The following BRWD1 variants were observed in gnomAD, a reference collection of about 807,000 sequenced individuals.
The protein encoded by BRWD1 is bromodomain and WD repeat-containing protein 1.
Under a neutral mutation model 251.2 loss-of-function variants are expected in BRWD1, and 82 were observed. That is an observed-to-expected ratio of 0.33 (90% CI 0.27 to 0.39). The LOEUF is 0.39. Ranked by LOEUF, BRWD1 falls within the 10% of genes least tolerant of loss-of-function variation. BRWD1 has a pLI of 1.00. For synonymous variants in BRWD1, 918 were observed against 902.8 expected (o/e 1.02, Z -0.30); for missense variants, 2,233 against 2,711.6 (o/e 0.82, Z 3.92).
intron 4 of BRWD1, among the ~76,000 whole-genome samples, chr21:39,301,347 T>C (rs539011016): frequency 2.6e-5 from 4 of 152,306 alleles, no homozygotes; most frequent in South Asian, 4.1e-4. Flanking sequence ...TAGGTTACAA[T>C]TGTGACTTCT....
chr21:39,242,941 A>G (rs1411020838), intron 21 of BRWD1, among the ~76,000 whole-genome samples: 1 of 152,174 alleles, frequency 6.6e-6, no homozygotes, highest in African/African-American at 2.4e-5. Context: ...GCTTGTGGAC[A>G]ATAGACCTAG....
Position 39,202,456 on chromosome 21 carries a change from G to C in BRWD1, c.4454C>G (p.Ala1485Gly). The change falls in exon 38 of 41, where the codon GCT becomes GGT. Residue 1485 changes from alanine to glycine, a missense_variant. Physicochemically the swap from Ala to Gly is moderately conservative, Grantham distance 60. Coordinates refer to ENST00000342449, the MANE Select transcript of BRWD1 (RefSeq NM_033656.4). ...ACTTGTCTTGTGGGTTCCAAGATAA[G>C]CTGTCCTACTTGAGGTAGACTGGGT... ...SPTQSTSSRT[A>G]YLGTHKTSAG... is the part of the protein sequence containing the mutation. 1 of 1,614,074 alleles carries C rather than the reference G, an allele frequency of 6.2e-7. No individual in the cohort carries two copies. Among genetic ancestry groups the C allele is most frequent in the African/African-American group, 1.3e-5 (1 of 75,060 alleles).
At chr21:39,306,033 TCAAAAAA>T (rs2036276161) in intron 4 of BRWD1, among the ~76,000 whole-genome samples, 1 of 150,164 alleles carries the variant, frequency 6.7e-6, no homozygotes, top group Non-Finnish European at 1.5e-5. Context: ...AGACCCAAAC[TCAAAAAA>T]CAAAGAATTG....
rs2031494701 is a variant in BRWD1, at chr21:39,190,461, G to A, written c.*5798C>T. 5 of 985,174 alleles carry A rather than the reference G, an allele frequency of 5.1e-6. No individual in the cohort carries two copies. Among genetic ancestry groups the A allele is most frequent in the Non-Finnish European group, 6.0e-6 (5 of 829,886 alleles). 61.0% of individuals were successfully genotyped at this position (985,174 alleles called of 1,614,324 possible). The stretch of plus-strand genomic sequence containing the variant: ...CTCTTTCATAAACTCCTAGAATCTT[G>A]ACATTATTGGTTGCTGTGGTTGGTG... On this transcript the variant is annotated 3_prime_UTR_variant, in exon 41 of 41. Transcript: ENST00000342449.
chr21:39,247,661 T>C (rs777557562), intron 21 of BRWD1, 40 bp downstream of exon 21: 7 of 1,563,304 alleles, frequency 4.5e-6, no homozygotes, highest in Admixed American at 2.0e-5. Flanking sequence ...GCCAAATTCA[T>C]TTAAGATTAT....
intron 40 of BRWD1, 95 bp downstream of exon 40, chr21:39,198,668 C>A (rs2031946276): frequency 8.9e-7 from 1 of 1,120,156 alleles, no homozygotes; most frequent in African/African-American, 1.6e-5. Flanking sequence ...AAAAAAGTTT[C>A]AAGGGAAACT....
Position 39,196,261 on chromosome 21 carries a change from A to G in BRWD1, c.6808T>C (p.Ter2270ArgextTer2). The change falls in exon 41 of 41, where the codon TGA (stop) becomes CGA (arginine). Residue 2270 changes from the stop codon to arginine, a stop_lost. Transcript: ENST00000342449. ...NVLDFNGCTL* is the reference protein window; with the variant it reads ...NVLDFNGCTLR Reference sequence around the variant, plus strand: ...AATGAACTGGCTTTCCCTCAAGGTCATAAGGTGCAACCATTGAAATCTAAC... The same window carrying G: ...AATGAACTGGCTTTCCCTCAAGGTCGTAAGGTGCAACCATTGAAATCTAAC... The G allele has an allele frequency of 2.5e-6, 4 of 1,586,118 alleles. No individual in the cohort carries two copies. The highest frequency in any genetic ancestry group is 3.4e-6 in the Non-Finnish European group (4 of 1,167,694).
intron 21 of BRWD1, among the ~76,000 whole-genome samples, chr21:39,245,466 C>T (rs1171269077): frequency 1.3e-5 from 2 of 152,056 alleles, no homozygotes; most frequent in Non-Finnish European, 2.9e-5. Flanking sequence ...AAACTCAAAC[C>T]CCATGCTTAA....
intron 4 of BRWD1, 89 bp downstream of exon 4, chr21:39,312,752 C>T: frequency 9.2e-7 from 1 of 1,085,530 alleles, no homozygotes; most frequent in Non-Finnish European, 1.3e-6. Flanking sequence ...CACTTTGCAC[C>T]CCACGGGCCG....
At position 39,196,171 on chromosome 21, in the gene BRWD1, T is replaced by C. The variant is rs2031800108; in HGVS notation, c.*88A>G. On this transcript the variant is annotated 3_prime_UTR_variant, in exon 41 of 41. Coordinates refer to ENST00000342449, the MANE Select transcript of BRWD1 (RefSeq NM_033656.4). ...GAAAAATATAAATATATTCCCTGAA[T>C]TGTAAGACAAAAAAATAATTTTAAC... 6.7e-7 allele frequency: 1 copy of C among 1,485,358 alleles called. No homozygotes were observed. Among genetic ancestry groups the C allele is most frequent in the Admixed American group, 2.5e-5 (1 of 40,158 alleles). 92.0% of individuals were successfully genotyped at this position (1,485,358 alleles called of 1,614,324 possible).
At chr21:39,285,900 A>G (rs2035619965) in intron 8 of BRWD1, among the ~76,000 whole-genome samples, 1 of 143,948 alleles carries the variant, frequency 6.9e-6, no homozygotes, top group African/African-American at 2.5e-5. Context: ...AAAAGAATGT[A>G]TTCGTCAAAG....
chr21:39,296,275 T>C lies in BRWD1; in HGVS notation c.438A>G (p.Pro146=). Residue 146 remains proline (P), a synonymous_variant, in exon 6 of 41, where the codon CCA becomes CCG. Coordinates refer to ENST00000342449, the MANE Select transcript of BRWD1 (RefSeq NM_033656.4). ...PPEMPVNYGS[P]PNLVEIHRGK... is the part of the protein sequence containing the mutation. ...GCCAACCTTACTTACCAAGATTTGG[T>C]GGGGAACCATAATTCACTGGCATTT... 4 of 1,597,066 alleles carry C rather than the reference T, an allele frequency of 2.5e-6. No homozygotes were observed. Among genetic ancestry groups the C allele is most frequent in the Non-Finnish European group, 3.4e-6 (4 of 1,173,946 alleles).
intron 2 of BRWD1, 32 bp from the exon 3 acceptor site, chr21:39,313,133 G>C: frequency 6.7e-7 from 1 of 1,496,832 alleles, no homozygotes; most frequent in South Asian, 1.3e-5. Flanking sequence ...TCAGGGGTGG[G>C]GTCGGGCCCG....
Position 39,194,730 on chromosome 21 carries a change from T to C in BRWD1, c.*1529A>G, listed in dbSNP as rs1568849983. ...TTCGCCTTGTCTGCCACTTCAAAGA[T>C]ACACAGGAGAAAAGGTTTTGTCTGA... On this transcript the variant is annotated 3_prime_UTR_variant, in exon 41 of 41. Transcript: ENST00000342449. 12 of 1,535,302 alleles carry C rather than the reference T, an allele frequency of 7.8e-6. No homozygotes were observed. Among genetic ancestry groups the C allele is most frequent in the South Asian group, 2.4e-5 (2 of 84,028 alleles).
chr21:39,238,886 T>C (rs1055941719), intron 21 of BRWD1, among the ~76,000 whole-genome samples: 1 of 152,108 alleles, frequency 6.6e-6, no homozygotes, highest in Non-Finnish European at 1.5e-5. Context: ...TTTTGGACTT[T>C]AGCTATTCTA....
In BRWD1 at chr21:39,258,548, C is replaced by T. The variant is rs73359523; in HGVS notation, c.2010G>A (p.Met670Ile). The T allele has an allele frequency of 7.0e-4, 1,132 of 1,613,362 alleles. 15 individuals are homozygous for T. The African/African-American group carries it at 0.014, about 20-fold the overall frequency. ...TTGGAATAGTATCCTGATCTGCTCC[C>T]ATTCTCTGATCTTGCTGCTGCTGCA... ...RQLQQQQDQR[M>I]GADQDTIPRG... Residue 670 changes from methionine (M) to isoleucine (I), a missense_variant, in exon 18 of 41, where the codon ATG becomes ATA. Coordinates refer to ENST00000342449, the MANE Select transcript of BRWD1 (RefSeq NM_033656.4).
intron 18 of BRWD1, 37 bp downstream of exon 18, chr21:39,258,450 G>T: frequency 6.8e-7 from 1 of 1,473,964 alleles, no homozygotes; most frequent in Non-Finnish European, 9.1e-7. Context: ...TTTCAATGCA[G>T]CCATATTCAG....
upstream of BRWD1, chr21:39,313,808 A>T (rs572756910): frequency 5.1e-4 from 183 of 359,416 alleles, 1 homozygote; most frequent in Non-Finnish European, 8.5e-4. Context: ...AGTGACGCGG[A>T]GGCAAAGACC....
Position 39,199,101 on chromosome 21 carries a change from G to C in BRWD1, c.5315C>G (p.Thr1772Ser). 1 of 1,614,034 alleles carries C rather than the reference G, an allele frequency of 6.2e-7. No individual in the cohort carries two copies. The highest frequency in any genetic ancestry group is 1.1e-5 in the South Asian group (1 of 91,060). Residue 1772 changes from threonine (T) to serine (S), a missense_variant, in exon 40 of 41, where the codon ACT becomes AGT. Transcript: ENST00000342449. ...CTGCACAGACGTTGATGGGCCAGCA[G>C]TTCTGTTACATGCATGATCTGAATC... is the stretch of plus-strand genomic sequence containing the variant. ...SHDSDHACNR[T>S]AGPSTSVQKL...
Sources: allele counts gnomAD v4.1 joint callset (sites outside exome capture counted in the v4.1 genomes callset), GRCh38; gene constraint gnomAD v4.1.1; transcripts MANE v1.5; gene names NCBI Gene and HGNC (gene_info 2026-07-23, HGNC 2026-07-21).